Variants in PLK5 observed in about 807,000 individuals in gnomAD.
PLK5 encodes the protein inactive serine/threonine-protein kinase PLK5.
Under a neutral mutation model 33.7 loss-of-function variants are expected in PLK5, and 28 were observed. The observed-to-expected ratio is 0.83, with a 90% CI of 0.62 to 1.14. The LOEUF (loss-of-function observed/expected upper bound fraction) is 1.14, where lower values mean the gene tolerates loss of function less well. Ranked by LOEUF, PLK5 falls within the 50% of genes most tolerant of loss-of-function variation. The pLI is 0.00. For synonymous variants in PLK5, 225 were observed against 202.2 expected (o/e 1.11, Z -0.96); for missense variants, 492 against 461.5 (o/e 1.07, Z -0.61).
In PLK5 at chr19:1,529,445, C is replaced by T; in HGVS notation, c.445C>T (p.Pro149Ser). ...SAKEVPCLEG[P>S]IHLVAQGTLQ... Reference sequence around the variant, plus strand: ...GAAAGAGGTTCCCTGCCTGGAAGGCCCCATCCACCTGGTCGCACAAGGGAC... The same window carrying T: ...GAAAGAGGTTCCCTGCCTGGAAGGCTCCATCCACCTGGTCGCACAAGGGAC... The change falls in exon 10 of 14, where the codon CCC becomes TCC. Residue 149 changes from proline (P) to serine (S), a missense_variant. Transcript: ENST00000454744. 1 of 1,536,052 alleles carries T rather than the reference C, an allele frequency of 6.5e-7. No homozygotes were observed. Among genetic ancestry groups the T allele is most frequent in the East Asian group, 2.4e-5 (1 of 40,914 alleles).
chr19:1,534,127 G>C, intron 13 of PLK5, 86 bp downstream of exon 13: 1 of 1,027,980 alleles, frequency 9.7e-7, no homozygotes, highest in Non-Finnish European at 1.4e-6. Context: ...AAGCTTTGGG[G>C]GAGCCTTAGG....
rs762826724 is a variant in PLK5, at chr19:1,533,986, G to T, written c.770G>T (p.Arg257Leu). ...PPAGPGLCLL[R>L]FLASEHALLL... ...GCTGGACCCGGCCTCTGCCTCCTGC[G>T]CTTCCTGGCCTCTGAGCACGCCCTG... is the stretch of plus-strand genomic sequence containing the variant. The change falls in exon 13 of 14, where the codon CGC (arginine) becomes CTC (leucine). Residue 257 changes from arginine to leucine, a missense_variant. Coordinates refer to ENST00000454744, the MANE Select transcript of PLK5 (RefSeq NM_001243079.2). 3.0e-5 allele frequency: 46 copies of T among 1,535,254 alleles called. No individual in the cohort carries two copies. The highest frequency in any genetic ancestry group is 4.0e-5 in the Non-Finnish European group (46 of 1,146,796).
At position 1,533,162 on chromosome 19, in the gene PLK5, G is replaced by A. The variant is rs1033107964; in HGVS notation, c.715-769G>A. Among the ~76,000 whole-genome samples the A allele has an allele frequency of 2.0e-5, 3 of 151,992 alleles. No individual in the cohort carries two copies. The East Asian group carries it at 5.8e-4, about 29-fold the overall frequency. ...TTTTTTGAGACGGAGTTGTGCTCTT[G>A]TTGCCCAGGCTGGAGTGCAATCTCG... On this transcript the variant is annotated intron_variant, in intron 12 of 13. Coordinates refer to ENST00000454744, the MANE Select transcript of PLK5 (RefSeq NM_001243079.2).
chr19:1,535,173 G>A lies in PLK5; in HGVS notation c.934G>A (p.Val312Ile), dbSNP rs774146463. The change falls in exon 14 of 14, where the codon GTC (valine) becomes ATC (isoleucine). Residue 312 changes from valine to isoleucine, a missense_variant. Val to Ile is a conservative substitution (Grantham distance 29). Transcript: ENST00000454744. ...CCCTGGCACCTCCTACTCCCTGGACGTCCCGCGGAGCCACGGCTGCGCCCC... is the reference window on the plus strand; with the variant it reads ...CCCTGGCACCTCCTACTCCCTGGACATCCCGCGGAGCCACGGCTGCGCCCC... ...GSPGTSYSLDVPRSHGCAPTT... is the reference protein window; with the variant it reads ...GSPGTSYSLDIPRSHGCAPTT... 2.2e-5 allele frequency: 33 copies of A among 1,532,538 alleles called. No homozygotes were observed. Among genetic ancestry groups the A allele is most frequent in the East Asian group, 1.2e-4 (5 of 40,542 alleles). The allele number at this position is 1,532,538 out of a possible 1,614,324, so 94.9% of individuals were successfully genotyped here.
rs1395330938 is a variant in PLK5, at chr19:1,524,427, T to C, written c.-544+181T>C. On this transcript the variant is annotated intron_variant, in intron 1 of 13. Transcript: ENST00000454744. The surrounding 1 kb of genome is among the most constrained non-coding windows in gnomAD (Gnocchi z 4.5). ...GGGGTTTCGCATGGCGGGAACCGTGTTGAGCGCGCTGTGCGTCGTGTCCGT... is the reference window on the plus strand; with the variant it reads ...GGGGTTTCGCATGGCGGGAACCGTGCTGAGCGCGCTGTGCGTCGTGTCCGT... 2.0e-5 allele frequency among the ~76,000 whole-genome samples: 3 copies of C among 152,064 alleles called. No homozygotes were observed. The East Asian group carries it at 5.8e-4, about 29-fold the overall frequency.
At position 1,528,987 on chromosome 19, in the gene PLK5, G is replaced by A. The variant is rs1159420110; in HGVS notation, c.405+13G>A. The A allele has an allele frequency of 4.7e-6, 7 of 1,495,760 alleles. No individual in the cohort carries two copies. In the African/African-American group the frequency reaches 8.5e-5, roughly 18 times the overall value. 92.7% of individuals were successfully genotyped at this position (1,495,760 alleles called of 1,614,324 possible). ...GTGGGACGGCGAGGTGAGACATCGG[G>A]GTGGGGGACACGGGGAGACACAGGT... On this transcript the variant is annotated intron_variant, in intron 9 of 13. Transcript: ENST00000454744.
At chr19:1,529,375 G>GCCACCC (rs1913855850) in intron 9 of PLK5, 31 bp from the exon 10 acceptor site, 2 of 1,522,924 alleles carry the variant, frequency 1.3e-6, no homozygotes, top group East Asian at 4.9e-5. Context: ...TGGGGCCGGG[G>GCCACCC]CCACCCCCAC....
At position 1,528,945 on chromosome 19, in the gene PLK5, G is replaced by A; in HGVS notation, c.376G>A (p.Asp126Asn). 3.3e-6 allele frequency: 5 copies of A among 1,520,976 alleles called. No homozygotes were observed. Among genetic ancestry groups the A allele is most frequent in the Non-Finnish European group, 4.4e-6 (5 of 1,139,874 alleles). The allele number at this position is 1,520,976 out of a possible 1,614,324, so 94.2% of individuals were successfully genotyped here. The change falls in exon 9 of 14, where the codon GAC becomes AAC. Residue 126 changes from aspartate to asparagine, a missense_variant. Transcript: ENST00000454744. ...CTCGGGTCCAGGAGAAGGTGGGCCA[G>A]ACCCTGACTCCATGGAGTGGGACGG... ...EASGPGEGGP[D>N]PDSMEWDGES...
rs142610325 is a variant in PLK5, at chr19:1,531,366, G to A, written c.569-372G>A. Among the ~76,000 whole-genome samples, 43 of 152,210 alleles carry A rather than the reference G, an allele frequency of 2.8e-4. No homozygotes were observed. In the East Asian group the frequency reaches 7.1e-3, roughly 25 times the overall value. The stretch of plus-strand genomic sequence containing the variant: ...GGAGGTTGCAGTGAGCCGAGATTGC[G>A]CCACTGCACTCCAGCCTGGGGACAG... On this transcript the variant is annotated intron_variant, in intron 11 of 13. Transcript: ENST00000454744.
rs902617547 is a variant in PLK5 at position 1,526,800 on chromosome 19, C to T, written c.-95+9C>T. On this transcript the variant is annotated intron_variant, in intron 5 of 13. Transcript: ENST00000454744. ...GGGGGCCGCTGCCACAGGTGAGAGC[C>T]GGGGGGAGGGCTCTGAGCAGTCCGT... is the stretch of plus-strand genomic sequence containing the variant. 9 of 662,584 alleles carry T rather than the reference C, an allele frequency of 1.4e-5. No homozygotes were observed. Among genetic ancestry groups the T allele is most frequent in the Non-Finnish European group, 1.8e-5 (7 of 384,716 alleles). 41.0% of individuals were successfully genotyped at this position (662,584 alleles called of 1,614,324 possible).
chr19:1,534,062 C>T lies in PLK5; in HGVS notation c.825+21C>T, dbSNP rs142509029. ...TGCAGGTGAGCCCGGGGCTCAAACT[C>T]GGGGCACTGGGGCTCGGCAGGGTGG... On this transcript the variant is annotated intron_variant, in intron 13 of 13. Coordinates refer to ENST00000454744, the MANE Select transcript of PLK5 (RefSeq NM_001243079.2). 319 of 1,523,368 alleles carry T rather than the reference C, an allele frequency of 2.1e-4. No homozygotes were observed. In the African/African-American group the frequency reaches 4.0e-3, roughly 19 times the overall value. 94.4% of individuals were successfully genotyped at this position (1,523,368 alleles called of 1,614,324 possible).
chr19:1,528,183 G>A, intron 7 of PLK5, 49 bp downstream of exon 7: 1 of 1,472,584 alleles, frequency 6.8e-7, no homozygotes, highest in Non-Finnish European at 9.0e-7. Context: ...GTCCCTGGCA[G>A]GTGATGAGCC....
chr19:1,528,835 G>A lies in PLK5; in HGVS notation c.329-63G>A, dbSNP rs1007321826. The A allele has an allele frequency of 4.0e-6, 5 of 1,235,686 alleles. No homozygotes were observed. In the Admixed American group the frequency reaches 8.8e-5, roughly 22 times the overall value. The allele number at this position is 1,235,686 out of a possible 1,614,324, so 76.5% of individuals were successfully genotyped here. A position where few individuals can be genotyped will look rare whatever the true frequency, so the allele number is the denominator to read the frequency against. On this transcript the variant is annotated intron_variant, in intron 8 of 13. Transcript: ENST00000454744. ...TCAGGGGTGGGTGTGGGTGGCAGGT[G>A]CCCCCCTACCCCCAGCTTGGGGCCC...
chr19:1,526,362 G>T (rs2668406), intron 3 of PLK5, 124 bp from the exon 4 acceptor site: 66,084 of 163,930 alleles, frequency 0.4, 14,862 homozygotes, highest in East Asian at 0.72. Flanking sequence ...CTATTGGGGT[G>T]GGTCATCTTT....
chr19:1,528,247 G>A, intron 7 of PLK5, 55 bp from the exon 8 acceptor site: 2 of 1,535,626 alleles, frequency 1.3e-6, no homozygotes, highest in Middle Eastern at 1.7e-4. Flanking sequence ...GGTAACCCAG[G>A]TGCTCAGGGG....
chr19:1,529,657 C>G, intron 10 of PLK5, 90 bp from the exon 11 acceptor site: 1 of 1,438,230 alleles, frequency 7.0e-7, no homozygotes, highest in African/African-American at 1.4e-5. Context: ...TGAGATGTTC[C>G]TGGATGGAGC....
In PLK5 at chr19:1,526,777, G is replaced by A; in HGVS notation, c.-109G>A. ...GACTGGCGGCCAAGGTGGGGCCAGGGGGCCGCTGCCACAGGTGAGAGCCGG... is the reference window on the plus strand; with the variant it reads ...GACTGGCGGCCAAGGTGGGGCCAGGAGGCCGCTGCCACAGGTGAGAGCCGG... On this transcript the variant is annotated 5_prime_UTR_variant, in exon 5 of 14. Transcript: ENST00000454744. 1 of 594,124 alleles carries A rather than the reference G, an allele frequency of 1.7e-6. No homozygotes were observed. Among genetic ancestry groups the A allele is most frequent in the Non-Finnish European group, 3.0e-6 (1 of 335,696 alleles). The allele number at this position is 594,124 out of a possible 1,614,324, so 36.8% of individuals were successfully genotyped here. A position where few individuals can be genotyped will look rare whatever the true frequency, so the allele number is the denominator to read the frequency against.
Position 1,528,153 on chromosome 19 carries a change from C to T in PLK5, c.201+19C>T, listed in dbSNP as rs779648659. On this transcript the variant is annotated intron_variant, in intron 7 of 13. Transcript: ENST00000454744. ...CACACAGGTGGGCGGCGGTCCTCGG[C>T]GTGGGGTCCCTGGCGTGGGGTCCCT... 2.6e-6 allele frequency: 4 copies of T among 1,523,182 alleles called. No homozygotes were observed. The highest frequency in any genetic ancestry group is 2.4e-5 in the South Asian group (2 of 83,748). The allele number at this position is 1,523,182 out of a possible 1,614,324, so 94.4% of individuals were successfully genotyped here. A position where few individuals can be genotyped will look rare whatever the true frequency, so the allele number is the denominator to read the frequency against.
At position 1,531,758 on chromosome 19, in the gene PLK5, G is replaced by T; in HGVS notation, c.589G>T (p.Glu197Ter). ...CCCAGCCACACAGGACCCCCTGGGA[G>T]AGCAGCAGCCCATCCTCTGGGCCCC... is the stretch of plus-strand genomic sequence containing the variant. ...GPPATQDPLG[E>*]QQPILWAPKW... is the part of the protein sequence containing the mutation. The change falls in exon 12 of 14, where the codon GAG becomes TAG. Residue 197 changes from glutamate (E) to a stop codon, truncating the protein, a stop_gained. Transcript: ENST00000454744. LOFTEE classifies it high-confidence loss of function. The T allele has an allele frequency of 6.5e-7, 1 of 1,536,424 alleles. No individual in the cohort carries two copies. Among genetic ancestry groups the T allele is most frequent in the Non-Finnish European group, 8.7e-7 (1 of 1,146,996 alleles).
Sources: gnomAD v4.1 joint callset for allele counts (sites outside exome capture counted in the v4.1 genomes callset) on GRCh38, gnomAD v4.1.1 for gene constraint, Gnocchi (gnomAD v3.1) non-coding constraint, MANE v1.5 for transcripts, NCBI Gene and HGNC (gene_info 2026-07-23, HGNC 2026-07-21) for gene names.